EYA2: variants seen among roughly 807,000 people sequenced by gnomAD.
EYA2 encodes the protein EYA transcriptional coactivator and phosphatase 2, also known as protein phosphatase EYA2.
A neutral mutation model predicts 69.2 loss-of-function variants in EYA2; 31 were observed. The observed-to-expected ratio is 0.45, with a 90% confidence interval of 0.34 to 0.60. The LOEUF (loss-of-function observed/expected upper bound fraction) is 0.60, where lower values mean the gene tolerates loss of function less well. EYA2 is among the 20% of genes least tolerant of loss of function. EYA2 has a pLI of 0.02. For missense variants in EYA2, 622 were observed against 701.2 expected (o/e 0.89, Z 1.28); for synonymous variants, 257 against 279.4 (o/e 0.92, Z 0.80).
At chr20:47,056,372 T>C (rs184747856) in intron 5 of EYA2, among the ~76,000 whole-genome samples, 2 of 152,322 alleles carry the variant, frequency 1.3e-5, no homozygotes, top group Admixed American at 6.5e-5. Context: ...TTGTTTTTTT[T>C]TTTTTAACCT....
intron 5 of EYA2, among the ~76,000 whole-genome samples, chr20:47,030,400 G>A (rs766808065): frequency 6.6e-6 from 1 of 152,206 alleles, no homozygotes; most frequent in African/African-American, 2.4e-5. Context: ...AGGTGGCTGT[G>A]GTGTAGGAAT....
intron 1 of EYA2, among the ~76,000 whole-genome samples, chr20:46,927,417 T>C (rs1985464406): frequency 6.6e-6 from 1 of 152,226 alleles, no homozygotes; most frequent in African/African-American, 2.4e-5. Context: ...TATTAATCTG[T>C]TCTCACGCTG....
In EYA2 at chr20:47,016,283, C is replaced by T. The variant is rs1432361184; in HGVS notation, c.401C>T (p.Thr134Ile). The T allele has an allele frequency of 6.2e-7, 1 of 1,613,738 alleles. No individual in the cohort carries two copies. The highest frequency in any genetic ancestry group is 2.2e-5 in the East Asian group (1 of 44,898). Residue 134 changes from threonine (T) to isoleucine (I), a missense_variant, in exon 5 of 16, where the codon ACC (threonine) becomes ATC (isoleucine). Around this residue, in one of 2 missense-constraint regions of EYA2, gnomAD observed 365 missense variants for 349.7 expected, o/e 1.04. Transcript: ENST00000327619. Reference protein sequence around the residue: ...STSPTGQSPYTYQMHGTTGFY... With the variant: ...STSPTGQSPYIYQMHGTTGFY... ...TCACCCACTGGACAGAGCCCATACA[C>T]CTACCAGATGCACGGTCAGTGTGGC...
intron 9 of EYA2, among the ~76,000 whole-genome samples, chr20:47,118,914 G>T (rs1009387040): frequency 2.0e-5 from 3 of 151,982 alleles, no homozygotes; most frequent in Admixed American, 6.5e-5. Context: ...CATCTGAAAG[G>T]AAAGAAAAAG....
At chr20:46,972,431 C>T (rs946390338) in intron 1 of EYA2, among the ~76,000 whole-genome samples, 30 of 152,102 alleles carry the variant, frequency 2.0e-4, no homozygotes, top group African/African-American at 6.5e-4. Context: ...ACTCCATTGG[C>T]ACAGTGTCAT....
At chr20:47,165,631 G>T (rs1454581563) in intron 10 of EYA2, among the ~76,000 whole-genome samples, 1 of 152,230 alleles carries the variant, frequency 6.6e-6, no homozygotes, top group East Asian at 1.9e-4. Flanking sequence ...GGCGAGAACG[G>T]CAGTTGCACT....
At chr20:46,908,971 C>A (rs1984511121) in intron 1 of EYA2, among the ~76,000 whole-genome samples, 1 of 134,818 alleles carries the variant, frequency 7.4e-6, no homozygotes, top group East Asian at 2.4e-4. Context: ...AAAAGTAGGA[C>A]TTGAATCTCA....
intron 5 of EYA2, among the ~76,000 whole-genome samples, chr20:47,029,558 T>G (rs1040047209): frequency 6.6e-6 from 1 of 152,230 alleles, no homozygotes; most frequent in Non-Finnish European, 1.5e-5. Flanking sequence ...CTTTTACCCC[T>G]TCCTCTATAA....
intron 7 of EYA2, among the ~76,000 whole-genome samples, chr20:47,083,889 GT>G (rs1281763916): frequency 6.6e-6 from 1 of 152,186 alleles, no homozygotes; most frequent in Non-Finnish European, 1.5e-5. Flanking sequence ...TAAAGCATGT[GT>G]TTATATAGAA....
intron 2 of EYA2, among the ~76,000 whole-genome samples, chr20:46,996,174 C>G (rs941460774): frequency 6.6e-6 from 1 of 152,224 alleles, no homozygotes; most frequent in African/African-American, 2.4e-5. Context: ...TTGCTTCACA[C>G]AGTCACTCAC....
At chr20:47,021,202 C>T (rs781296940) in intron 5 of EYA2, among the ~76,000 whole-genome samples, 46 of 152,166 alleles carry the variant, frequency 3.0e-4, no homozygotes, top group East Asian at 9.6e-4. Flanking sequence ...TTTCCAAGTT[C>T]GCTTCTATTT....
At chr20:47,045,468 G>A (rs796789591) in intron 5 of EYA2, among the ~76,000 whole-genome samples, 7 of 152,342 alleles carry the variant, frequency 4.6e-5, no homozygotes, top group African/African-American at 1.7e-4. Flanking sequence ...AGGGGAAGAT[G>A]TGGGAACAGT....
At chr20:47,169,942 G>T (rs2034285039) in intron 11 of EYA2, among the ~76,000 whole-genome samples, 1 of 151,528 alleles carries the variant, frequency 6.6e-6, no homozygotes, top group Non-Finnish European at 1.5e-5. Context: ...TTTCACTCTT[G>T]TCACCCAGGC....
intron 5 of EYA2, 37 bp downstream of exon 5, chr20:47,016,334 T>G: frequency 2.6e-6 from 4 of 1,514,722 alleles, no homozygotes; most frequent in Non-Finnish European, 3.7e-6. Flanking sequence ...TGCCCATCTC[T>G]AAGGACCACC....
chr20:46,934,976 G>A (rs1365814425), intron 1 of EYA2, among the ~76,000 whole-genome samples: 2 of 152,256 alleles, frequency 1.3e-5, no homozygotes, highest in South Asian at 2.1e-4. Flanking sequence ...CAACTACTAT[G>A]TGAATAAGCA....
intron 1 of EYA2, among the ~76,000 whole-genome samples, chr20:46,946,094 G>A (rs1978437223): frequency 6.6e-6 from 1 of 152,150 alleles, no homozygotes; most frequent in African/African-American, 2.4e-5. Flanking sequence ...TAGAGTCTCA[G>A]TGGCCTTGGT....
At chr20:47,115,703 C>CAA in intron 9 of EYA2, among the ~76,000 whole-genome samples, 1 of 152,166 alleles carries the variant, frequency 6.6e-6, no homozygotes, top group South Asian at 2.1e-4. Context: ...CACCCTCAGC[C>CAA]TATTGGGCAG....
In EYA2 at chr20:47,188,190, A is replaced by G; in HGVS notation, c.*57A>G. On this transcript the variant is annotated 3_prime_UTR_variant, in exon 16 of 16. Transcript: ENST00000327619. ...ACCCTCAGACCCCCTCGCCTTCCCC[A>G]CCTCCCCACCGAGAACTCCAGAGAC... 7.1e-7 allele frequency: 1 copy of G among 1,413,236 alleles called. No individual in the cohort carries two copies. The allele number at this position is 1,413,236 out of a possible 1,614,324, so 87.5% of individuals were successfully genotyped here.
intron 1 of EYA2, among the ~76,000 whole-genome samples, chr20:46,907,151 T>C (rs1194630126): frequency 1.3e-5 from 2 of 152,190 alleles, no homozygotes; most frequent in African/African-American, 4.8e-5. Context: ...AGCTATTGAT[T>C]ACCTGTGGAA....
Sources: gnomAD v4.1 joint callset for allele counts (sites outside exome capture counted in the v4.1 genomes callset) on GRCh38, gnomAD v4.1.1 for gene constraint, gnomAD v4.1.1 regional missense constraint, MANE v1.5 for transcripts, NCBI Gene and HGNC (gene_info 2026-07-23, HGNC 2026-07-21) for gene names.